PDE1A: variants seen among roughly 807,000 people sequenced by gnomAD.
PDE1A encodes the protein dual specificity calcium/calmodulin-dependent 3',5'-cyclic nucleotide phosphodiesterase 1A.
In PDE1A, 35 loss-of-function variants were observed where a neutral mutation model predicts 61.7. That is an observed-to-expected ratio of 0.57 (90% CI 0.43 to 0.75). The LOEUF (loss-of-function observed/expected upper bound fraction) is 0.75, where lower values mean the gene tolerates loss of function less well. Ranked by LOEUF, PDE1A falls within the 30% of genes least tolerant of loss-of-function variation. The probability of loss-of-function intolerance (pLI) is 0.00; values close to 1 mark genes in which losing one functional copy is unlikely to be tolerated. For missense variants in PDE1A, 597 were observed against 630.6 expected (o/e 0.95, Z 0.57); for synonymous variants, 232 against 213.2 (o/e 1.09, Z -0.77).
At chr2:182,405,802 G>A (rs1297006889) in intron 1 of PDE1A, among the ~76,000 whole-genome samples, 1 of 152,056 alleles carries the variant, frequency 6.6e-6, no homozygotes, top group Non-Finnish European at 1.5e-5. Context: ...TATTTGAGGT[G>A]ATGGATATCT....
intron 1 of PDE1A, among the ~76,000 whole-genome samples, chr2:182,405,650 G>T (rs745441316): frequency 2.6e-5 from 4 of 152,026 alleles, no homozygotes; most frequent in African/African-American, 9.7e-5. Flanking sequence ...GAAAAATGTC[G>T]GTCAAAGGGT....
chr2:182,547,540 C>T, the PDE1A span, among the ~76,000 whole-genome samples: 4 of 152,264 alleles, frequency 2.6e-5, no homozygotes, highest in South Asian at 4.1e-4. Context: ...GCCAGGTTAA[C>T]CAACAGTACT....
chr2:182,682,022 A>T, the PDE1A span, among the ~76,000 whole-genome samples: 1 of 151,934 alleles, frequency 6.6e-6, no homozygotes, highest in Non-Finnish European at 1.5e-5. Context: ...CAATTTTTCC[A>T]TTTCTTCTAT....
At chr2:182,145,624 G>C (rs964074936), downstream of PDE1A, among the ~76,000 whole-genome samples, 1 of 152,082 alleles carries the variant, frequency 6.6e-6, no homozygotes, top group Non-Finnish European at 1.5e-5. Flanking sequence ...AGCTACTTGC[G>C]GGGCTGAGGC....
chr2:182,474,233 A>G (rs1014689675), intron 2 of PDE1A, among the ~76,000 whole-genome samples: 2 of 152,008 alleles, frequency 1.3e-5, no homozygotes, highest in Non-Finnish European at 2.9e-5. Context: ...GTATTTTACT[A>G]TGATGAAAGT....
intron 2 of PDE1A, among the ~76,000 whole-genome samples, chr2:182,445,231 G>A (rs1375005342): frequency 6.6e-6 from 1 of 152,034 alleles, no homozygotes; most frequent in African/African-American, 2.4e-5. Flanking sequence ...AAGACAATGA[G>A]GAATTATAAA....
rs1308862407 is a variant in PDE1A at position 182,187,743 on chromosome 2, T to C, written c.1208-1155A>G. ...TCTATGTTCTTTTTTTGTTCTTTTT[T>C]TTTTTTTTTTTTTTTTTTTGAGATG... On this transcript the variant is annotated intron_variant, in intron 11 of 13. Transcript: ENST00000351439. Among the ~76,000 whole-genome samples the C allele has an allele frequency of 3.8e-3, 478 of 126,514 alleles. 4 individuals are homozygous for C. Among genetic ancestry groups the C allele is most frequent in the Non-Finnish European group, 5.3e-3 (309 of 58,772 alleles). The allele number at this position is 126,514 out of a possible 152,430, so 83.0% of individuals were successfully genotyped here.
At chr2:182,161,027 G>GCC (rs1691350307) in intron 13 of PDE1A, among the ~76,000 whole-genome samples, 1 of 152,170 alleles carries the variant, frequency 6.6e-6, no homozygotes, top group Non-Finnish European at 1.5e-5. Flanking sequence ...GGAGTTCAGT[G>GCC]ACTATATGCA....
chr2:182,538,435 A>G, the PDE1A span, among the ~76,000 whole-genome samples: 1 of 152,226 alleles, frequency 6.6e-6, no homozygotes, highest in African/African-American at 2.4e-5. Context: ...GAAGGAAGAA[A>G]TACAAGGTAT....
intron 1 of PDE1A, among the ~76,000 whole-genome samples, chr2:182,288,238 A>T (rs1393373971): frequency 1.3e-5 from 2 of 152,126 alleles, no homozygotes; most frequent in Non-Finnish European, 2.9e-5. Context: ...ATCCATGCTT[A>T]CTTTACAAGA....
chr2:182,379,407 T>C, intron 1 of PDE1A, among the ~76,000 whole-genome samples: 1 of 152,228 alleles, frequency 6.6e-6, no homozygotes, highest in Non-Finnish European at 1.5e-5. Context: ...GGAGAGATCA[T>C]GAAAGCACAT....
chr2:182,682,998 A>G, the PDE1A span, among the ~76,000 whole-genome samples: 1 of 152,148 alleles, frequency 6.6e-6, no homozygotes, highest in Non-Finnish European at 1.5e-5. Context: ...AAAATTGTGC[A>G]TAAGAAAATG....
chr2:182,386,687 G>A (rs1207823684), intron 1 of PDE1A, among the ~76,000 whole-genome samples: 8 of 150,700 alleles, frequency 5.3e-5, no homozygotes, highest in East Asian at 2.0e-4. Context: ...CCCTCCGCCC[G>A]GCAGCTGCCC....
chr2:182,704,404 G>A, the PDE1A span, among the ~76,000 whole-genome samples: 1 of 152,036 alleles, frequency 6.6e-6, no homozygotes, highest in Non-Finnish European at 1.5e-5. Flanking sequence ...GGGGGAAAAG[G>A]CATAATAAGA....
intron 7 of PDE1A, among the ~76,000 whole-genome samples, chr2:182,221,940 T>C (rs563553089): frequency 2.0e-5 from 3 of 150,684 alleles, no homozygotes; most frequent in Non-Finnish European, 4.5e-5. Flanking sequence ...TCACTCATCT[T>C]AGGGTCCTTT....
At chr2:182,568,976 T>C in the PDE1A span, among the ~76,000 whole-genome samples, 3 of 152,076 alleles carry the variant, frequency 2.0e-5, no homozygotes, top group Non-Finnish European at 4.4e-5. Context: ...ATTTTTTACA[T>C]TCTTGCTTGA....
At chr2:182,419,070 GAA>G (rs35927091) in intron 1 of PDE1A, among the ~76,000 whole-genome samples, 2 of 133,410 alleles carry the variant, frequency 1.5e-5, no homozygotes, top group African/African-American at 2.6e-5. Flanking sequence ...CACTAAAAGA[GAA>G]AAAAAAAAAA....
intron 1 of PDE1A, among the ~76,000 whole-genome samples, chr2:182,304,382 A>G (rs1695445104): frequency 6.6e-6 from 1 of 152,210 alleles, no homozygotes. Flanking sequence ...TATCAGTGAT[A>G]AGGCTGTTTT....
intron 10 of PDE1A, among the ~76,000 whole-genome samples, chr2:182,193,283 G>A (rs1559164179): frequency 6.6e-6 from 1 of 152,106 alleles, no homozygotes; most frequent in Non-Finnish European, 1.5e-5. Context: ...ACCGCGCCTG[G>A]CCAGTTTTGT....
Sources: gnomAD v4.1 joint callset for allele counts (sites outside exome capture counted in the v4.1 genomes callset) on GRCh38, gnomAD v4.1.1 for gene constraint, MANE v1.5 for transcripts, NCBI Gene and HGNC (gene_info 2026-07-23, HGNC 2026-07-21) for gene names.